The following NKAIN2 variants were observed in gnomAD, a reference collection of about 807,000 sequenced individuals.
NKAIN2 encodes the protein sodium/potassium-transporting ATPase subunit beta-1-interacting protein 2.
Under a neutral mutation model 32.6 loss-of-function variants are expected in NKAIN2, and 14 were observed. The observed-to-expected ratio is 0.43, with a 90% CI of 0.28 to 0.67. The LOEUF is 0.67. Among genes scored for constraint, NKAIN2 ranks in the 30% least tolerant of loss-of-function variants. The pLI, the probability that NKAIN2 is intolerant of heterozygous loss-of-function variation, is 0.17. For missense variants in NKAIN2, 198 were observed against 258.3 expected (o/e 0.77, Z 1.60); for synonymous variants, 80 against 87.2 (o/e 0.92, Z 0.46).
chr6:124,692,260 A>C lies in NKAIN2; in HGVS notation c.474+33874A>C, dbSNP rs113865084. Reference sequence around the variant, plus strand: ...GCTAAAAGTAGGATGGAAGTAATAAACAAAAATAACTTTGCTGTTTTTCTC... The same window carrying C: ...GCTAAAAGTAGGATGGAAGTAATAACCAAAAATAACTTTGCTGTTTTTCTC... On this transcript the variant is annotated intron_variant, in intron 4 of 6. Transcript: ENST00000368417. Among the ~76,000 whole-genome samples, 972 of 152,320 alleles carry C rather than the reference A, an allele frequency of 6.4e-3. 18 individuals are homozygous for C. The highest frequency in any genetic ancestry group is 0.023 in the African/African-American group (945 of 41,562).
At chr6:124,623,159 A>T (rs933375183) in intron 3 of NKAIN2, among the ~76,000 whole-genome samples, 2 of 152,156 alleles carry the variant, frequency 1.3e-5, no homozygotes, top group Non-Finnish European at 2.9e-5. Context: ...GGATTCAATT[A>T]TGGAGATAAT....
In NKAIN2 at chr6:123,883,230, C is replaced by T. The variant is rs572557735; in HGVS notation, c.54+78976C>T. On this transcript the variant is annotated intron_variant, in intron 1 of 6. Coordinates refer to ENST00000368417, the MANE Select transcript of NKAIN2 (RefSeq NM_001040214.3). ...CGTGAACTCGGCTCACTGCAAGCTCCGCCTCCTGGGTTCATGCCATTCTCC... is the reference window on the plus strand; with the variant it reads ...CGTGAACTCGGCTCACTGCAAGCTCTGCCTCCTGGGTTCATGCCATTCTCC... Among the ~76,000 whole-genome samples, 7 of 152,088 alleles carry T rather than the reference C, an allele frequency of 4.6e-5. No homozygotes were observed. The South Asian group carries it at 8.3e-4, about 18-fold the overall frequency.
chr6:124,729,700 T>C (rs1257205885), intron 4 of NKAIN2, among the ~76,000 whole-genome samples: 4 of 150,138 alleles, frequency 2.7e-5, no homozygotes, highest in Non-Finnish European at 6.0e-5. Flanking sequence ...TGTTGGAAGT[T>C]CTGGCCAGGG....
At chr6:124,552,847 A>G (rs1300938849) in intron 3 of NKAIN2, among the ~76,000 whole-genome samples, 3 of 152,240 alleles carry the variant, frequency 2.0e-5, no homozygotes, top group African/African-American at 7.2e-5. Flanking sequence ...CTAGTACACA[A>G]CTAGTAATTC....
intron 5 of NKAIN2, among the ~76,000 whole-genome samples, chr6:124,805,013 A>G (rs1279660392): frequency 6.6e-6 from 1 of 152,200 alleles, no homozygotes; most frequent in Non-Finnish European, 1.5e-5. Flanking sequence ...GGTGGAGCCC[A>G]CCACAGCTCA....
chr6:124,462,245 T>C (rs1421412009), intron 3 of NKAIN2, among the ~76,000 whole-genome samples: 1 of 151,890 alleles, frequency 6.6e-6, no homozygotes, highest in Non-Finnish European at 1.5e-5. Context: ...AATAATATAC[T>C]GTTTGAAGAA....
At chr6:123,951,140 A>AT (rs200943877) in intron 1 of NKAIN2, among the ~76,000 whole-genome samples, 1,812 of 151,830 alleles carry the variant, frequency 0.012, 30 homozygotes, top group African/African-American at 0.042. Flanking sequence ...TATGATTTTG[A>AT]TTTTTTAAAC....
chr6:124,515,698 T>A (rs1778881821), intron 3 of NKAIN2, among the ~76,000 whole-genome samples: 1 of 4,194 alleles, frequency 2.4e-4, no homozygotes, highest in African/African-American at 3.0e-4. Flanking sequence ...CCTACTTCAT[T>A]TTTCTTCGCT....
At chr6:124,262,409 G>A (rs1240328769) in intron 1 of NKAIN2, among the ~76,000 whole-genome samples, 1 of 152,138 alleles carries the variant, frequency 6.6e-6, no homozygotes, top group South Asian at 2.1e-4. Flanking sequence ...TCTTGAAATT[G>A]CAGCAGGATT....
At chr6:124,797,994 T>C (rs1047177097) in intron 5 of NKAIN2, among the ~76,000 whole-genome samples, 1 of 152,140 alleles carries the variant, frequency 6.6e-6, no homozygotes, top group Admixed American at 6.5e-5. Flanking sequence ...CCTGCCTGCC[T>C]GCCTTCTTAC....
intron 4 of NKAIN2, among the ~76,000 whole-genome samples, chr6:124,741,849 A>T (rs1356428611): frequency 6.6e-6 from 1 of 151,930 alleles, no homozygotes; most frequent in Non-Finnish European, 1.5e-5. Context: ...ATAAATCATA[A>T]ATATAAATGC....
chr6:124,316,921 GT>G (rs1163064252), intron 2 of NKAIN2, among the ~76,000 whole-genome samples: 2 of 152,168 alleles, frequency 1.3e-5, no homozygotes, highest in Non-Finnish European at 2.9e-5. Flanking sequence ...TATTAAATGT[GT>G]TGTGTTGCTT....
chr6:123,935,529 G>T (rs1776461281), intron 1 of NKAIN2, among the ~76,000 whole-genome samples: 1 of 151,560 alleles, frequency 6.6e-6, no homozygotes, highest in Non-Finnish European at 1.5e-5. Context: ...ATAAATTTTT[G>T]AATGTGTTAA....
At chr6:124,069,475 A>G (rs548522447) in intron 1 of NKAIN2, among the ~76,000 whole-genome samples, 1 of 152,226 alleles carries the variant, frequency 6.6e-6, no homozygotes, top group Non-Finnish European at 1.5e-5. Context: ...GAACCTGGAG[A>G]CCAGTCATTC....
Position 124,290,589 on chromosome 6 carries a change from A to G in NKAIN2, c.192+7447A>G, listed in dbSNP as rs144962929. ...CTAATTGTTGATTTTTCAGCTTTAGACAGTGTCTAATAACGACCTGCCCCA... is the reference window on the plus strand; with the variant it reads ...CTAATTGTTGATTTTTCAGCTTTAGGCAGTGTCTAATAACGACCTGCCCCA... On this transcript the variant is annotated intron_variant, in intron 2 of 6. Coordinates refer to ENST00000368417, the MANE Select transcript of NKAIN2 (RefSeq NM_001040214.3). Among the ~76,000 whole-genome samples, 740 of 150,838 alleles carry G rather than the reference A, an allele frequency of 4.9e-3. 12 individuals are homozygous for G. The highest frequency in any genetic ancestry group is 0.04 in the South Asian group (191 of 4,788).
At chr6:124,661,473 T>A (rs1784743201) in intron 4 of NKAIN2, among the ~76,000 whole-genome samples, 1 of 152,214 alleles carries the variant, frequency 6.6e-6, no homozygotes, top group African/African-American at 2.4e-5. Context: ...GTTGTTCGGT[T>A]TTCTGCCAAT....
At chr6:124,014,109 G>A (rs1242762223) in intron 1 of NKAIN2, among the ~76,000 whole-genome samples, 1 of 152,110 alleles carries the variant, frequency 6.6e-6, no homozygotes, top group Non-Finnish European at 1.5e-5. Context: ...TAAATTCATT[G>A]TTCCTTCCAT....
At chr6:124,255,860 G>A (rs1203214581) in intron 1 of NKAIN2, among the ~76,000 whole-genome samples, 2 of 152,076 alleles carry the variant, frequency 1.3e-5, no homozygotes, top group East Asian at 1.9e-4. Flanking sequence ...TCTGTTTTTC[G>A]TTTATCTACC....
Position 124,358,552 on chromosome 6 carries a change from C to T in NKAIN2, c.273+3205C>T, listed in dbSNP as rs532725519. Among the ~76,000 whole-genome samples the T allele has an allele frequency of 8.9e-4, 135 of 152,248 alleles. 1 individual carries two copies. The highest frequency in any genetic ancestry group is 4.5e-3 in the Admixed American group (69 of 15,284). On this transcript the variant is annotated intron_variant, in intron 3 of 6. Transcript: ENST00000368417. ...TGATGATGAGCATTTTTTCATGTGT[C>T]TTTTGGCTCCATAAATGTCTTCTTT...
Sources: gnomAD v4.1 joint callset for allele counts (sites outside exome capture counted in the v4.1 genomes callset) on GRCh38, gnomAD v4.1.1 for gene constraint, MANE v1.5 for transcripts, NCBI Gene and HGNC (gene_info 2026-07-23, HGNC 2026-07-21) for gene names.